The following PIMREG variants were observed in gnomAD, a reference collection of about 807,000 sequenced individuals.
PIMREG encodes the protein PICALM interacting mitotic regulator, also known as protein PIMREG.
A neutral mutation model predicts 24.3 loss-of-function variants in PIMREG; 19 were observed. The ratio of observed to expected loss-of-function variants is 0.78; its 90% CI spans 0.54 to 1.15. PIMREG has a LOEUF of 1.15. Ranked by LOEUF, PIMREG falls within the 50% of genes most tolerant of loss-of-function variation. PIMREG has a pLI of 0.00. For missense variants in PIMREG, 283 were observed against 306.8 expected (o/e 0.92, Z 0.58); for synonymous variants, 112 against 124.1 (o/e 0.90, Z 0.65).
chr17:6,449,823 T>C lies in PIMREG; in HGVS notation c.687-205T>C, dbSNP rs188941123. 3.7e-3 allele frequency: 5,342 copies of C among 1,425,232 alleles called. 17 individuals carry two copies. The highest frequency in any genetic ancestry group is 7.1e-3 in the Admixed American group (252 of 35,452). The allele number at this position is 1,425,232 out of a possible 1,614,324, so 88.3% of individuals were successfully genotyped here. ...CATCCTGGGGGCAGGGCCTCGGTTG[T>C]GGACCTCCCCTAACTTGGGGCTGTT... On this transcript the variant is annotated intron_variant, in intron 4 of 5. Coordinates refer to ENST00000572447, the MANE Select transcript of PIMREG (RefSeq NM_019013.3).
intron 2 of PIMREG, among the ~76,000 whole-genome samples, chr17:6,447,078 A>T (rs962899977): frequency 4.7e-5 from 7 of 149,216 alleles, no homozygotes; most frequent in African/African-American, 7.4e-5. Flanking sequence ...TGGTCTGGAG[A>T]CCAAGGTAGC....
Position 6,450,541 on chromosome 17 carries a change from G to A in PIMREG, c.*194G>A. The stretch of plus-strand genomic sequence containing the variant: ...CATCTGGACCCATCAGTGACTGCCT[G>A]CCATAGCCTGAGAGTGTCTTGGGGA... On this transcript the variant is annotated 3_prime_UTR_variant, in exon 6 of 6. Coordinates refer to ENST00000572447, the MANE Select transcript of PIMREG (RefSeq NM_019013.3). 1 of 704,414 alleles carries A rather than the reference G, an allele frequency of 1.4e-6. No homozygotes were observed. Among genetic ancestry groups the A allele is most frequent in the Non-Finnish European group, 2.3e-6 (1 of 434,334 alleles). 43.6% of individuals were successfully genotyped at this position (704,414 alleles called of 1,614,324 possible). A position where few individuals can be genotyped will look rare whatever the true frequency, so the allele number is the denominator to read the frequency against.
chr17:6,448,348 G>A (rs1038640080), intron 3 of PIMREG, among the ~76,000 whole-genome samples: 1 of 145,252 alleles, frequency 6.9e-6, no homozygotes, highest in Non-Finnish European at 1.5e-5. Context: ...CCTAAGGATT[G>A]TATTTCAACT....
At position 6,450,216 on chromosome 17, in the gene PIMREG, C is replaced by G. The variant is rs553074129; in HGVS notation, c.*14+144C>G. On this transcript the variant is annotated intron_variant, in intron 5 of 5. Transcript: ENST00000572447. ...GCCGCTTGAAGCCAGAGCTGCTAACCTCACTGACCCCGTCATTAACAGCAC... is the reference window on the plus strand; with the variant it reads ...GCCGCTTGAAGCCAGAGCTGCTAACGTCACTGACCCCGTCATTAACAGCAC... The G allele has an allele frequency of 5.3e-6, 6 of 1,121,582 alleles. No homozygotes were observed. In the African/African-American group the frequency reaches 9.3e-5, roughly 17 times the overall value. 69.5% of individuals were successfully genotyped at this position (1,121,582 alleles called of 1,614,324 possible). A position where few individuals can be genotyped will look rare whatever the true frequency, so the allele number is the denominator to read the frequency against.
Position 6,445,215 on chromosome 17 carries a change from T to A in PIMREG, c.105T>A (p.His35Gln). 6.2e-7 allele frequency: 1 copy of A among 1,613,624 alleles called. No individual in the cohort carries two copies. The highest frequency in any genetic ancestry group is 8.5e-7 in the Non-Finnish European group (1 of 1,179,912). ...DSKELQPVVS[H>Q]QETSVGALGS... ...AGGAGCTGCAGCCTGTGGTCAGCCA[T>A]CAGGAGACCTCTGTAGGGGCCCTGG... The change falls in exon 2 of 6, where the codon CAT (histidine) becomes CAA (glutamine). Residue 35 changes from histidine (H) to glutamine (Q), a missense_variant. By Grantham distance (24) the His-to-Gln change is conservative (BLOSUM62 0). Coordinates refer to ENST00000572447, the MANE Select transcript of PIMREG (RefSeq NM_019013.3).
chr17:6,445,186 A>ACT lies in PIMREG; in HGVS notation c.76_77insCT (p.Ser26ThrfsTer16), dbSNP rs768813763. The ACT allele has an allele frequency of 8.7e-5, 140 of 1,613,604 alleles. No individual in the cohort carries two copies. The highest frequency in any genetic ancestry group is 1.2e-4 in the Non-Finnish European group (136 of 1,179,900). On this transcript the variant is annotated frameshift_variant, in exon 2 of 6. Transcript: ENST00000572447. LOFTEE classifies it high-confidence loss of function. ...CCAGCACCAGGAGCAGCTGGAGGAC[A>ACT]GCAAGGAGCTGCAGCCTGTGGTCAG...
rs112042172 is a variant in PIMREG, at chr17:6,450,382, G to A, written c.*35G>A. ...TGAAGGAAACAAGCCCTGTCTGACC[G>A]CCAAGGCTTCATACTCAAGGATGTC... On this transcript the variant is annotated 3_prime_UTR_variant, in exon 6 of 6. Transcript: ENST00000572447. 780 of 1,566,864 alleles carry A rather than the reference G, an allele frequency of 5.0e-4. 7 individuals carry two copies. The African/African-American group carries it at 7.2e-3, about 14-fold the overall frequency.
In PIMREG at chr17:6,446,247, C is replaced by T. The variant is rs75862406; in HGVS notation, c.294+843C>T. The T allele has an allele frequency of 6.8e-4, 271 of 400,648 alleles. 4 individuals are homozygous for T. In the East Asian group the frequency reaches 9.0e-3, roughly 13 times the overall value. The allele number at this position is 400,648 out of a possible 1,614,324, so 24.8% of individuals were successfully genotyped here. On this transcript the variant is annotated intron_variant, in intron 2 of 5. Coordinates refer to ENST00000572447, the MANE Select transcript of PIMREG (RefSeq NM_019013.3). The stretch of plus-strand genomic sequence containing the variant: ...TTAAACCCAGAGCTGGAGGTGTAGA[C>T]GTGTCACTTAGAAAGGACAGAAGCC...
chr17:6,450,478 G>T lies in PIMREG; in HGVS notation c.*131G>T, dbSNP rs75396636. ...AGTACCCCTGGGCCACTGCTAACAAGCACCTAACAAGGGGCCCAGAGCCCC... is the reference window on the plus strand; with the variant it reads ...AGTACCCCTGGGCCACTGCTAACAATCACCTAACAAGGGGCCCAGAGCCCC... On this transcript the variant is annotated 3_prime_UTR_variant, in exon 6 of 6. Transcript: ENST00000572447. 3.8e-4 allele frequency: 546 copies of T among 1,432,124 alleles called. 3 individuals carry two copies. In the African/African-American group the frequency reaches 7.1e-3, roughly 19 times the overall value. The allele number at this position is 1,432,124 out of a possible 1,614,324, so 88.7% of individuals were successfully genotyped here. A position where few individuals can be genotyped will look rare whatever the true frequency, so the allele number is the denominator to read the frequency against.
At chr17:6,449,957 T>C in intron 4 of PIMREG, 71 bp from the exon 5 acceptor site, 1 of 1,529,192 alleles carries the variant, frequency 6.5e-7, no homozygotes, top group South Asian at 1.1e-5. Flanking sequence ...TGATCTTGTG[T>C]AGCTCAGGCT....
In PIMREG at chr17:6,449,344, C is replaced by T. The variant is rs566268883; in HGVS notation, c.623C>T (p.Ala208Val). The T allele has an allele frequency of 3.0e-5, 48 of 1,612,868 alleles. No homozygotes were observed. Among genetic ancestry groups the T allele is most frequent in the Middle Eastern group, 1.7e-4 (1 of 6,058 alleles). Reference sequence around the variant, plus strand: ...GACAGTGACCTAGAGCCTGTGGGGGCGGGAATTCAGCATCTCCAGAAGCTG... The same window carrying T: ...GACAGTGACCTAGAGCCTGTGGGGGTGGGAATTCAGCATCTCCAGAAGCTG... Reference protein sequence around the residue: ...ESDSDLEPVGAGIQHLQKLSQ... With the variant: ...ESDSDLEPVGVGIQHLQKLSQ... Residue 208 changes from alanine to valine, a missense_variant, in exon 4 of 6, where the codon GCG becomes GTG. Ala to Val is a moderately conservative substitution (Grantham distance 64). Transcript: ENST00000572447.
chr17:6,447,528 G>A lies in PIMREG; in HGVS notation c.360G>A (p.Arg120=), dbSNP rs781074952. 11 of 1,614,146 alleles carry A rather than the reference G, an allele frequency of 6.8e-6. No homozygotes were observed. The South Asian group carries it at 9.9e-5, about 14-fold the overall frequency. ...TGGAGACCCAGGTGAAGGCCAGGAG[G>A]CGGAAGAGAGGAGCACAGAAGGGCA... ...WLVETQVKAR[R]RKRGAQKGSG... is the part of the protein sequence containing the mutation. Residue 120 remains arginine (R), a synonymous_variant, in exon 3 of 6, where the codon AGG becomes AGA. Coordinates refer to ENST00000572447, the MANE Select transcript of PIMREG (RefSeq NM_019013.3).
chr17:6,446,531 C>T (rs1418076705), intron 2 of PIMREG, among the ~76,000 whole-genome samples: 3 of 152,176 alleles, frequency 2.0e-5, no homozygotes, highest in Non-Finnish European at 2.9e-5. Flanking sequence ...ACTTGGGCTT[C>T]GCTCCAAACA....
chr17:6,447,729 C>G lies in PIMREG; in HGVS notation c.561C>G (p.Tyr187Ter). The G allele has an allele frequency of 6.2e-7, 1 of 1,611,850 alleles. No individual in the cohort carries two copies. The highest frequency in any genetic ancestry group is 8.5e-7 in the Non-Finnish European group (1 of 1,178,462). The change falls in exon 3 of 6, where the codon TAC becomes TAG. Residue 187 changes from tyrosine to a stop codon, truncating the protein, a stop_gained. Coordinates refer to ENST00000572447, the MANE Select transcript of PIMREG (RefSeq NM_019013.3). LOFTEE classifies it high-confidence loss of function. ...SRREAAFRSP[Y>*]SSTEPLCSPS... ...GGGAGGCTGCCTTCCGGAGCCCCTA[C>G]TCCTCAACAGAGCCCCTCTGCTCTC...
rs1315956579 is a variant in PIMREG at position 6,447,647 on chromosome 17, A to G, written c.479A>G (p.His160Arg). Reference sequence around the variant, plus strand: ...GCCGCAGACCCCTGGGAGAAGGAGCATCACCGCCTCTCTGTCCGGATGGGC... The same window carrying G: ...GCCGCAGACCCCTGGGAGAAGGAGCGTCACCGCCTCTCTGTCCGGATGGGC... ...HSAADPWEKEHHRLSVRMGSH... is the reference protein window; with the variant it reads ...HSAADPWEKERHRLSVRMGSH... The change falls in exon 3 of 6, where the codon CAT (histidine) becomes CGT (arginine). Residue 160 changes from histidine (H) to arginine (R), a missense_variant. Physicochemically the swap from His to Arg is conservative, Grantham distance 29. Transcript: ENST00000572447. 2 of 1,613,414 alleles carry G rather than the reference A, an allele frequency of 1.2e-6. No individual in the cohort carries two copies. Among genetic ancestry groups the G allele is most frequent in the South Asian group, 1.1e-5 (1 of 91,082 alleles).
rs1481206032 is a variant in PIMREG at position 6,449,742 on chromosome 17, A to G, written c.687-286A>G. ...TCGTCTGTGCCCTGCCTGCCTATGG[A>G]ATTGGGAAAAGCAACCTGACTGCTA... On this transcript the variant is annotated intron_variant, in intron 4 of 5. Coordinates refer to ENST00000572447, the MANE Select transcript of PIMREG (RefSeq NM_019013.3). 2.2e-6 allele frequency: 3 copies of G among 1,395,268 alleles called. No homozygotes were observed. The African/African-American group carries it at 4.3e-5, about 20-fold the overall frequency. The allele number at this position is 1,395,268 out of a possible 1,614,324, so 86.4% of individuals were successfully genotyped here.
Position 6,445,200 on chromosome 17 carries a change from G to A in PIMREG, c.90G>A (p.Gln30=), listed in dbSNP as rs754516528. 4 of 1,613,736 alleles carry A rather than the reference G, an allele frequency of 2.5e-6. No individual in the cohort carries two copies. In the African/African-American group the frequency reaches 5.3e-5, roughly 22 times the overall value. ...QEQLEDSKEL[Q]PVVSHQETSV... is the part of the protein sequence containing the mutation. ...AGCTGGAGGACAGCAAGGAGCTGCAGCCTGTGGTCAGCCATCAGGAGACCT... is the reference window on the plus strand; with the variant it reads ...AGCTGGAGGACAGCAAGGAGCTGCAACCTGTGGTCAGCCATCAGGAGACCT... Residue 30 remains glutamine (Q), a synonymous_variant, in exon 2 of 6, where the codon CAG becomes CAA. Coordinates refer to ENST00000572447, the MANE Select transcript of PIMREG (RefSeq NM_019013.3).
rs1209459128 is a variant in PIMREG, at chr17:6,447,549, G to C, written c.381G>C (p.Lys127Asn). 6.2e-7 allele frequency: 1 copy of C among 1,614,182 alleles called. No individual in the cohort carries two copies. Among genetic ancestry groups the C allele is most frequent in the South Asian group, 1.1e-5 (1 of 91,086 alleles). The change falls in exon 3 of 6, where the codon AAG (lysine) becomes AAC (asparagine). Residue 127 changes from lysine to asparagine, a missense_variant. Coordinates refer to ENST00000572447, the MANE Select transcript of PIMREG (RefSeq NM_019013.3). ...KARRRKRGAQKGSGSPTHSLS... is the reference protein window; with the variant it reads ...KARRRKRGAQNGSGSPTHSLS... ...GGAGGCGGAAGAGAGGAGCACAGAAGGGCAGTGGATCCCCAACTCACAGCC... is the reference window on the plus strand; with the variant it reads ...GGAGGCGGAAGAGAGGAGCACAGAACGGCAGTGGATCCCCAACTCACAGCC...
chr17:6,449,342 G>A lies in PIMREG; in HGVS notation c.621G>A (p.Gly207=), dbSNP rs1913714035. ...CTGACAGTGACCTAGAGCCTGTGGG[G>A]GCGGGAATTCAGCATCTCCAGAAGC... The part of the protein sequence containing the change: ...SESDSDLEPV[G]AGIQHLQKLS... Residue 207 remains glycine, a synonymous_variant, in exon 4 of 6, where the codon GGG becomes GGA. Coordinates refer to ENST00000572447, the MANE Select transcript of PIMREG (RefSeq NM_019013.3). The A allele has an allele frequency of 6.2e-7, 1 of 1,613,282 alleles. No homozygotes were observed. The highest frequency in any genetic ancestry group is 8.5e-7 in the Non-Finnish European group (1 of 1,179,604).
Sources: allele counts gnomAD v4.1 joint callset (sites outside exome capture counted in the v4.1 genomes callset), GRCh38; gene constraint gnomAD v4.1.1; transcripts MANE v1.5; gene names NCBI Gene and HGNC (gene_info 2026-07-23, HGNC 2026-07-21).